The following USP43 variants were observed in gnomAD, a reference collection of about 807,000 sequenced individuals.
The protein encoded by USP43 is ubiquitin specific peptidase 43.
A neutral mutation model predicts 90.7 loss-of-function variants in USP43; 33 were observed. The observed-to-expected ratio is 0.36, with a 90% CI of 0.28 to 0.49. The LOEUF is 0.49. USP43 is among the 20% of genes least tolerant of loss of function. USP43 has a pLI of 0.98. For missense variants in USP43, 1,274 were observed against 1,476.4 expected (o/e 0.86, Z 2.25); for synonymous variants, 598 against 615.8 (o/e 0.97, Z 0.43).
chr17:9,701,732 G>A lies in USP43; in HGVS notation c.2011+32G>A. The A allele has an allele frequency of 6.7e-7, 1 of 1,487,510 alleles. No individual in the cohort carries two copies. Among genetic ancestry groups the A allele is most frequent in the Non-Finnish European group, 9.0e-7 (1 of 1,110,322 alleles). The allele number at this position is 1,487,510 out of a possible 1,614,324, so 92.1% of individuals were successfully genotyped here. ...CTTGCCTTGCCTTTCTGCAAATGCA[G>A]CTGTGGCCACAGCCTCGAGATGTCC... On this transcript the variant is annotated intron_variant, in intron 12 of 14. Transcript: ENST00000285199. The surrounding 1 kb of genome is among the most constrained non-coding windows in gnomAD (Gnocchi z 7.2).
In USP43 at chr17:9,674,218, A is replaced by G. The variant is rs1913623283; in HGVS notation, c.741-673A>G. Among the ~76,000 whole-genome samples the G allele has an allele frequency of 6.6e-6, 1 of 152,124 alleles. No homozygotes were observed. The highest frequency in any genetic ancestry group is 1.5e-5 in the Non-Finnish European group (1 of 68,024). ...GGGGCGGGTTATAGCTTCCCTTCCC[A>G]TACTCAGTGCATTTATGTGTGTCAC... On this transcript the variant is annotated intron_variant, in intron 3 of 14. Transcript: ENST00000285199. This position sits in a 1 kb window ranked among gnomAD's most constrained non-coding sequence, Gnocchi z 4.4.
At chr17:9,682,341 G>GAGGATCAC (rs1567661779) in intron 6 of USP43, among the ~76,000 whole-genome samples, 1 of 152,228 alleles carries the variant, frequency 6.6e-6, no homozygotes, top group East Asian at 1.9e-4. Flanking sequence ...GCCAAGGCAG[G>GAGGATCAC]AGGATCACTT....
chr17:9,695,955 T>C (rs1383367676), intron 9 of USP43, among the ~76,000 whole-genome samples: 1 of 152,198 alleles, frequency 6.6e-6, no homozygotes, highest in Non-Finnish European at 1.5e-5. Context: ...TAGAATTTCC[T>C]TCCTTTTGAA....
At chr17:9,711,030 G>C (rs1017006851) in intron 13 of USP43, among the ~76,000 whole-genome samples, 15 of 152,006 alleles carry the variant, frequency 9.9e-5, no homozygotes, top group African/African-American at 1.5e-4. Context: ...CATAAGTCTA[G>C]CTTCCATTTA....
intron 12 of USP43, among the ~76,000 whole-genome samples, chr17:9,706,896 G>T (rs553729071): frequency 1.3e-3 from 198 of 152,094 alleles, no homozygotes; most frequent in African/African-American, 4.5e-3. Context: ...GCCCGCCTCG[G>T]CCTCCCAAAG....
intron 1 of USP43, among the ~76,000 whole-genome samples, chr17:9,654,119 T>C (rs1912063692): frequency 6.6e-6 from 1 of 152,002 alleles, no homozygotes; most frequent in African/African-American, 2.4e-5. Flanking sequence ...GGTTTGAGGG[T>C]TGTTTGGGGG....
Position 9,664,724 on chromosome 17 carries a change from G to A in USP43, c.637-1924G>A, listed in dbSNP as rs547907847. Among the ~76,000 whole-genome samples, 10 of 148,588 alleles carry A rather than the reference G, an allele frequency of 6.7e-5. No individual in the cohort carries two copies. In the East Asian group the frequency reaches 8.1e-4, roughly 12 times the overall value. ...ACGATCTCGGCTCACTTTAAGCTCC[G>A]CCTCCCGGGGTCACGCCATTCTCCT... On this transcript the variant is annotated intron_variant, in intron 2 of 14. Coordinates refer to ENST00000285199, the MANE Select transcript of USP43 (RefSeq NM_153210.5).
At chr17:9,700,101 C>T in intron 9 of USP43, 71 bp from the exon 10 acceptor site, 1 of 1,405,566 alleles carries the variant, frequency 7.1e-7, no homozygotes, top group Non-Finnish European at 9.8e-7. Context: ...GTGGGGGAGA[C>T]TGCTGAGCCC....
chr17:9,727,917 G>T, intron 14 of USP43, 37 bp from the exon 15 acceptor site: 1 of 1,561,752 alleles, frequency 6.4e-7, no homozygotes, highest in South Asian at 1.2e-5. Flanking sequence ...CAGCTGTAGG[G>T]TGGCTTGTAC....
intron 1 of USP43, chr17:9,647,448 ATC>A (rs1911514116): frequency 6.6e-6 from 1 of 152,202 alleles, no homozygotes; most frequent in Non-Finnish European, 1.5e-5. Flanking sequence ...AAGTTACCAG[ATC>A]TCTCTGTGCC....
At chr17:9,692,133 C>T (rs554215652) in intron 8 of USP43, among the ~76,000 whole-genome samples, 25 of 151,934 alleles carry the variant, frequency 1.6e-4, no homozygotes, top group Non-Finnish European at 2.8e-4. Context: ...CCGAGGTGGG[C>T]GGATCGCGTG....
At chr17:9,647,691 G>A (rs886134367) in intron 1 of USP43, 1 of 152,098 alleles carries the variant, frequency 6.6e-6, no homozygotes, top group Admixed American at 6.5e-5. Flanking sequence ...CAATGGGAGA[G>A]GGCTGCAGTA....
At chr17:9,723,638 C>T (rs1398331818) in intron 14 of USP43, among the ~76,000 whole-genome samples, 3 of 147,448 alleles carry the variant, frequency 2.0e-5, no homozygotes, top group African/African-American at 5.0e-5. Context: ...GGCTGGAGTG[C>T]AGTGGTACGA....
Position 9,728,738 on chromosome 17 carries a change from C to T in USP43, c.3120C>T (p.Gly1040=), listed in dbSNP as rs1228336077. Residue 1040 remains glycine (G), a synonymous_variant, in exon 15 of 15, where the codon GGC becomes GGT. Transcript: ENST00000285199. The surrounding 1 kb of genome is among the most constrained non-coding windows in gnomAD (Gnocchi z 6.2). ...CTGCCATGGACGGGCAGGCTCCAGG[C>T]TCACCTCCTGCCCTCAGGATCCCAG... is the stretch of plus-strand genomic sequence containing the variant. ...LSPAMDGQAP[G]SPPALRIPEG... is the part of the protein sequence containing the mutation. 1.2e-6 allele frequency: 2 copies of T among 1,600,936 alleles called. No individual in the cohort carries two copies. The highest frequency in any genetic ancestry group is 1.3e-5 in the African/African-American group (1 of 74,786).
chr17:9,691,534 G>A (rs995357749), intron 8 of USP43, among the ~76,000 whole-genome samples: 7 of 152,078 alleles, frequency 4.6e-5, no homozygotes, highest in African/African-American at 1.2e-4. Context: ...TCATGCTGCC[G>A]TGAACATTGG....
intron 9 of USP43, among the ~76,000 whole-genome samples, chr17:9,696,271 C>CTG (rs1915258409): frequency 1.3e-5 from 2 of 152,088 alleles, no homozygotes; most frequent in Admixed American, 6.6e-5. Context: ...GCAGCTGGGA[C>CTG]TACAGGTGCA....
At chr17:9,705,441 C>T (rs1915813903) in intron 12 of USP43, among the ~76,000 whole-genome samples, 1 of 152,092 alleles carries the variant, frequency 6.6e-6, no homozygotes. Flanking sequence ...ATTGGACTGA[C>T]TCATTCTTTT....
intron 4 of USP43, 33 bp from the exon 5 acceptor site, chr17:9,676,713 C>G: frequency 6.2e-7 from 1 of 1,603,720 alleles, no homozygotes; most frequent in Non-Finnish European, 8.5e-7. Flanking sequence ...TCATGTCAGT[C>G]CTTTAAGGGT....
Position 9,701,317 on chromosome 17 carries a change from C to T in USP43, c.1663-35C>T. 1.9e-6 allele frequency: 3 copies of T among 1,587,292 alleles called. No individual in the cohort carries two copies. The highest frequency in any genetic ancestry group is 2.6e-6 in the Non-Finnish European group (3 of 1,165,992). ...CCTTTGGTGGGTTGGCCACGTGCTG[C>T]GGGGGCCTCACAGTCCGGGTGGTTT... On this transcript the variant is annotated intron_variant, in intron 11 of 14. Coordinates refer to ENST00000285199, the MANE Select transcript of USP43 (RefSeq NM_153210.5). This position sits in a 1 kb window ranked among gnomAD's most constrained non-coding sequence, Gnocchi z 7.2.
Sources: gnomAD v4.1 joint callset for allele counts (sites outside exome capture counted in the v4.1 genomes callset) on GRCh38, gnomAD v4.1.1 for gene constraint, Gnocchi (gnomAD v3.1) non-coding constraint, MANE v1.5 for transcripts, NCBI Gene and HGNC (gene_info 2026-07-23, HGNC 2026-07-21) for gene names.